The following EVI5 variants were observed in gnomAD, a reference collection of about 807,000 sequenced individuals.
EVI5 encodes ecotropic viral integration site 5, also known as ecotropic viral integration site 5 protein homolog.
EVI5 carries 73 observed loss-of-function variants against 112.0 expected under a neutral mutation model. That is an observed-to-expected ratio of 0.65 (90% CI 0.54 to 0.79). The LOEUF (loss-of-function observed/expected upper bound fraction) is 0.79, where lower values mean the gene tolerates loss of function less well. EVI5 is among the 30% of genes least tolerant of loss of function. The pLI, the probability that EVI5 is intolerant of heterozygous loss-of-function variation, is 0.00. For synonymous variants in EVI5, 305 were observed against 319.9 expected, an observed-to-expected ratio of 0.95 and a Z score of 0.50; for missense variants, 900 against 968.8, an observed-to-expected ratio of 0.93 and a Z score of 0.94.
chr1:92,556,236 G>T (rs1667665393), intron 19 of EVI5, among the ~76,000 whole-genome samples: 1 of 151,896 alleles, frequency 6.6e-6, no homozygotes, highest in Admixed American at 6.6e-5. Context: ...GCTAATTTTT[G>T]TATTTTTAGT....
intron 18 of EVI5, among the ~76,000 whole-genome samples, chr1:92,603,648 C>A (rs1649684338): frequency 1.3e-5 from 2 of 151,490 alleles, no homozygotes; most frequent in African/African-American, 4.8e-5. Context: ...TAACATTTAG[C>A]TTAGCAAACA....
At chr1:92,550,189 C>T (rs1271424040) in intron 19 of EVI5, among the ~76,000 whole-genome samples, 1 of 151,928 alleles carries the variant, frequency 6.6e-6, no homozygotes. Flanking sequence ...GAGTTCATGT[C>T]CTTTGTAGGG....
At chr1:92,780,069 G>A (rs1359603501) in intron 1 of EVI5, among the ~76,000 whole-genome samples, 3 of 152,230 alleles carry the variant, frequency 2.0e-5, no homozygotes, top group Admixed American at 1.3e-4. Flanking sequence ...ACCAGGTGGA[G>A]ATAAATGAAT....
At chr1:92,709,240 C>T (rs1672475935) in intron 2 of EVI5, among the ~76,000 whole-genome samples, 1 of 152,114 alleles carries the variant, frequency 6.6e-6, no homozygotes, top group Non-Finnish European at 1.5e-5. Flanking sequence ...ATGATAGAAA[C>T]TTTCTAAGTC....
intron 19 of EVI5, among the ~76,000 whole-genome samples, chr1:92,562,764 T>C (rs1166943932): frequency 6.6e-6 from 1 of 152,178 alleles, no homozygotes; most frequent in East Asian, 1.9e-4. Context: ...ACCCAAAACA[T>C]ACAGACTTTA....
At chr1:92,577,530 C>G (rs1047084983) in intron 18 of EVI5, among the ~76,000 whole-genome samples, 1 of 152,182 alleles carries the variant, frequency 6.6e-6, no homozygotes, top group South Asian at 2.1e-4. Flanking sequence ...TCATCTGAAC[C>G]AAAGCCGGTT....
intron 9 of EVI5, among the ~76,000 whole-genome samples, chr1:92,677,772 A>G (rs1410118123): frequency 6.6e-6 from 1 of 152,220 alleles, no homozygotes; most frequent in Non-Finnish European, 1.5e-5. Flanking sequence ...GTTTAAGCAT[A>G]GTCTCAAATT....
intron 13 of EVI5, among the ~76,000 whole-genome samples, chr1:92,648,034 C>A (rs545956917): frequency 2.1e-5 from 3 of 144,992 alleles, no homozygotes; most frequent in Non-Finnish European, 4.6e-5. Flanking sequence ...CATGAGCCAC[C>A]ATGCCTGGCC....
At chr1:92,718,558 T>C (rs1387011914) in intron 2 of EVI5, among the ~76,000 whole-genome samples, 1 of 152,146 alleles carries the variant, frequency 6.6e-6, no homozygotes, top group African/African-American at 2.4e-5. Flanking sequence ...TAGAGGGAAA[T>C]TTATAGCACT....
At chr1:92,571,865 T>G (rs759719130) in intron 18 of EVI5, among the ~76,000 whole-genome samples, 2 of 152,188 alleles carry the variant, frequency 1.3e-5, no homozygotes, top group Non-Finnish European at 2.9e-5. Flanking sequence ...GCCAGTTAAC[T>G]GGTTTCCTAA....
At chr1:92,640,496 C>CA (rs997613303) in intron 13 of EVI5, among the ~76,000 whole-genome samples, 5 of 151,522 alleles carry the variant, frequency 3.3e-5, no homozygotes, top group South Asian at 2.1e-4. Context: ...CAAAAAACAT[C>CA]AAAAAAAAGC....
At position 92,695,367 on chromosome 1, in the gene EVI5, A is replaced by G. The variant is rs1264823375; in HGVS notation, c.852T>C (p.Phe284=). 4 of 1,609,342 alleles carry G rather than the reference A, an allele frequency of 2.5e-6. No homozygotes were observed. Among genetic ancestry groups the G allele is most frequent in the Non-Finnish European group, 3.4e-6 (4 of 1,175,868 alleles). The change falls in exon 7 of 20, where the codon TTT becomes TTC. Residue 284 remains phenylalanine (F), a synonymous_variant. Transcript: ENST00000684568. ...MYASSWFLTI[F]LTTFPLPIAT... The stretch of plus-strand genomic sequence containing the variant: ...CAATTGGTAGTGGAAAAGTTGTAAG[A>G]AAGATAGTCAGAAACCAGGATGATG...
chr1:92,716,020 C>G (rs1471955338), intron 2 of EVI5, among the ~76,000 whole-genome samples: 1 of 152,164 alleles, frequency 6.6e-6, no homozygotes, highest in Non-Finnish European at 1.5e-5. Context: ...TAAACTCCAC[C>G]TCTGGGGGGC....
intron 19 of EVI5, among the ~76,000 whole-genome samples, chr1:92,556,507 A>G (rs1437853247): frequency 6.6e-6 from 1 of 152,198 alleles, no homozygotes; most frequent in African/African-American, 2.4e-5. Context: ...TCCCCTCATC[A>G]TCATAAACAA....
chr1:92,697,413 A>C (rs1189796413), intron 6 of EVI5, among the ~76,000 whole-genome samples: 1 of 152,174 alleles, frequency 6.6e-6, no homozygotes, highest in Non-Finnish European at 1.5e-5. Context: ...ATAAGAAAAC[A>C]TTACAGGAAA....
chr1:92,623,269 T>C (rs886123912), intron 16 of EVI5, among the ~76,000 whole-genome samples: 3 of 152,162 alleles, frequency 2.0e-5, no homozygotes, highest in African/African-American at 7.2e-5. Flanking sequence ...GAAAATAACT[T>C]TGAACAATGT....
intron 18 of EVI5, among the ~76,000 whole-genome samples, chr1:92,589,071 G>T (rs543178536): frequency 6.6e-6 from 1 of 152,272 alleles, no homozygotes; most frequent in South Asian, 2.1e-4. Context: ...CACGAAATCA[G>T]GTAAGATGGC....
intron 13 of EVI5, among the ~76,000 whole-genome samples, chr1:92,645,313 C>T (rs1279490245): frequency 6.6e-6 from 1 of 152,154 alleles, no homozygotes; most frequent in African/African-American, 2.4e-5. Context: ...AATGCAGACA[C>T]TCCAGGCTTT....
At chr1:92,758,509 G>A (rs1050760944) in intron 1 of EVI5, among the ~76,000 whole-genome samples, 1 of 150,038 alleles carries the variant, frequency 6.7e-6, no homozygotes, top group African/African-American at 2.5e-5. Flanking sequence ...GTCAGAGGCT[G>A]CAGTGAGCCA....
Sources: gnomAD v4.1 joint callset for allele counts (sites outside exome capture counted in the v4.1 genomes callset) on GRCh38, gnomAD v4.1.1 for gene constraint, MANE v1.5 for transcripts, NCBI Gene and HGNC (gene_info 2026-07-23, HGNC 2026-07-21) for gene names.